SPATA6: variants seen among roughly 807,000 people sequenced by gnomAD.
SPATA6 encodes the protein spermatogenesis associated 6.
A neutral mutation model predicts 65.3 loss-of-function variants in SPATA6; 56 were observed. The ratio of observed to expected loss-of-function variants is 0.86; its 90% CI spans 0.69 to 1.07. The LOEUF is 1.07. Ranked by LOEUF, SPATA6 falls within the 50% of genes least tolerant of loss-of-function variation. The pLI is 0.00. For missense variants in SPATA6, 590 were observed against 594.8 expected, an observed-to-expected ratio of 0.99 and a Z score of 0.08; for synonymous variants, 199 against 213.2, an observed-to-expected ratio of 0.93 and a Z score of 0.58.
intron 8 of SPATA6, among the ~76,000 whole-genome samples, chr1:48,386,556 A>G (rs1649489328): frequency 6.6e-6 from 1 of 152,326 alleles, no homozygotes; most frequent in East Asian, 1.9e-4. Context: ...GACAACACCT[A>G]AAGCAAGGAA....
In SPATA6 at chr1:48,368,556, C is replaced by T. The variant is rs565809595; in HGVS notation, c.910-8786G>A. ...TCATTTCATTCATTTCATCTTCCAT[C>T]ACTGATACCCTTTCTTCCAGTTGAT... On this transcript the variant is annotated intron_variant, in intron 9 of 12. Transcript: ENST00000371847. Among the ~76,000 whole-genome samples, 11 of 152,348 alleles carry T rather than the reference C, an allele frequency of 7.2e-5. No individual in the cohort carries two copies. In the East Asian group the frequency reaches 2.1e-3, roughly 29 times the overall value.
chr1:48,442,611 A>G (rs1213463673), intron 3 of SPATA6, among the ~76,000 whole-genome samples: 3 of 149,860 alleles, frequency 2.0e-5, no homozygotes, highest in Middle Eastern at 3.2e-3. Context: ...GAGAGAGAGA[A>G]AGAGAGAGAC....
chr1:48,425,087 T>C (rs1341897222), intron 3 of SPATA6, among the ~76,000 whole-genome samples: 1 of 152,184 alleles, frequency 6.6e-6, no homozygotes. Context: ...CTGGAGACTT[T>C]CCCCAATGTT....
intron 9 of SPATA6, among the ~76,000 whole-genome samples, chr1:48,384,679 TCA>T (rs1176111345): frequency 6.6e-6 from 1 of 152,182 alleles, no homozygotes; most frequent in Non-Finnish European, 1.5e-5. Context: ...TAAGAAATGC[TCA>T]GTTAGCTATT....
At chr1:48,366,266 G>A (rs955374188) in intron 9 of SPATA6, among the ~76,000 whole-genome samples, 1 of 151,990 alleles carries the variant, frequency 6.6e-6, no homozygotes, top group Non-Finnish European at 1.5e-5. Flanking sequence ...TTTTTTGGTT[G>A]TGTCTCTGCC....
chr1:48,285,633 G>C, the SPATA6 span, among the ~76,000 whole-genome samples: 1 of 152,230 alleles, frequency 6.6e-6, no homozygotes, highest in East Asian at 1.9e-4. Flanking sequence ...AATAGTATCT[G>C]GGCCAAATGC....
the SPATA6 span, among the ~76,000 whole-genome samples, chr1:48,276,527 T>G: frequency 6.6e-6 from 1 of 152,354 alleles, no homozygotes; most frequent in African/African-American, 2.4e-5. Flanking sequence ...GATTCTGGTA[T>G]GTTGTGTCTT....
intron 3 of SPATA6, among the ~76,000 whole-genome samples, chr1:48,425,738 G>A (rs1252161465): frequency 1.3e-5 from 2 of 151,910 alleles, no homozygotes; most frequent in African/African-American, 4.8e-5. Context: ...TCAACAAATC[G>A]TATTGTTTAA....
intron 3 of SPATA6, among the ~76,000 whole-genome samples, chr1:48,439,691 A>G (rs1363272771): frequency 2.6e-5 from 4 of 152,194 alleles, no homozygotes; most frequent in African/African-American, 9.6e-5. Context: ...GATAGTAAAC[A>G]CTCAGGCATT....
At chr1:48,279,395 C>G in the SPATA6 span, among the ~76,000 whole-genome samples, 1 of 152,042 alleles carries the variant, frequency 6.6e-6, no homozygotes, top group African/African-American at 2.4e-5. Flanking sequence ...GCAAACAGGA[C>G]AAAGAGTCAA....
chr1:48,451,825 AC>A (rs1263785037), intron 2 of SPATA6, among the ~76,000 whole-genome samples: 1 of 152,110 alleles, frequency 6.6e-6, no homozygotes, highest in Non-Finnish European at 1.5e-5. Context: ...TCCTCTTGTT[AC>A]CATGATCATA....
At chr1:48,437,422 A>C (rs1186597865) in intron 3 of SPATA6, among the ~76,000 whole-genome samples, 1 of 152,230 alleles carries the variant, frequency 6.6e-6, no homozygotes, top group African/African-American at 2.4e-5. Flanking sequence ...TATGACAAGG[A>C]AACATCAGAA....
chr1:48,395,521 G>A (rs1428565675), intron 7 of SPATA6, among the ~76,000 whole-genome samples, 167 bp from the exon 8 acceptor site: 1 of 151,802 alleles, frequency 6.6e-6, no homozygotes, highest in African/African-American at 2.4e-5. Context: ...CAAGTATTTT[G>A]TTGTTCGTTG....
chr1:48,361,547 G>A (rs1646813333), intron 9 of SPATA6, among the ~76,000 whole-genome samples: 1 of 152,110 alleles, frequency 6.6e-6, no homozygotes, highest in African/African-American at 2.4e-5. Context: ...CATGTCCTAA[G>A]TTTTGGGACT....
intron 4 of SPATA6, among the ~76,000 whole-genome samples, chr1:48,411,982 G>A (rs1056053613): frequency 6.6e-6 from 1 of 151,674 alleles, no homozygotes. Context: ...TTCTCCTCCT[G>A]CAGCCTCCTG....
intron 10 of SPATA6, among the ~76,000 whole-genome samples, chr1:48,359,021 G>A (rs1387333385): frequency 1.3e-5 from 2 of 152,038 alleles, no homozygotes; most frequent in Non-Finnish European, 2.9e-5. Context: ...ACAGAGGCAA[G>A]GAATTTCCTA....
intron 11 of SPATA6, among the ~76,000 whole-genome samples, chr1:48,353,994 CAT>C (rs1646586516): frequency 6.6e-6 from 1 of 151,830 alleles, no homozygotes; most frequent in Admixed American, 6.6e-5. Context: ...TCTAAGGACT[CAT>C]ATGAAGAATC....
chr1:48,318,053 T>C (rs186755052), intron 11 of SPATA6, among the ~76,000 whole-genome samples: 24 of 152,276 alleles, frequency 1.6e-4, no homozygotes, highest in African/African-American at 5.8e-4. Flanking sequence ...GACAAAATGA[T>C]AGGATCATCT....
At chr1:48,310,777 A>C (rs1191011212) in intron 11 of SPATA6, among the ~76,000 whole-genome samples, 1 of 152,226 alleles carries the variant, frequency 6.6e-6, no homozygotes, top group Non-Finnish European at 1.5e-5. Flanking sequence ...CGATAGCAAA[A>C]TACATATTCT....
Sources: gnomAD v4.1 joint callset for allele counts (sites outside exome capture counted in the v4.1 genomes callset) on GRCh38, gnomAD v4.1.1 for gene constraint, MANE v1.5 for transcripts, NCBI Gene and HGNC (gene_info 2026-07-23, HGNC 2026-07-21) for gene names.